Variants in PTPRD observed in about 807,000 individuals in gnomAD.
The protein encoded by PTPRD is protein tyrosine phosphatase receptor type D.
A neutral mutation model predicts 214.5 loss-of-function variants in PTPRD; 34 were observed. The observed-to-expected ratio is 0.16, with a 90% CI of 0.12 to 0.21. PTPRD has a LOEUF of 0.21. PTPRD is among the 10% of genes least tolerant of loss of function. PTPRD has a pLI of 1.00. For missense variants in PTPRD, 2,545 were observed against 2,398.7 expected (o/e 1.06, Z -1.27); for synonymous variants, 1,128 against 845.7 (o/e 1.33, Z -5.79).
intron 11 of PTPRD, among the ~76,000 whole-genome samples, chr9:8,823,645 C>G (rs2097118398): frequency 6.6e-6 from 1 of 150,618 alleles, no homozygotes. Context: ...GAGTGAGACC[C>G]TGTTTCAAAA....
At chr9:8,484,839 C>T (rs764588034) in intron 29 of PTPRD, among the ~76,000 whole-genome samples, 5 of 152,002 alleles carry the variant, frequency 3.3e-5, no homozygotes, top group African/African-American at 7.3e-5. Context: ...AATGGCAAGC[C>T]AGAGTTTAAA....
At chr9:8,560,909 T>C (rs2085986134) in intron 14 of PTPRD, among the ~76,000 whole-genome samples, 1 of 143,890 alleles carries the variant, frequency 6.9e-6, no homozygotes, top group Admixed American at 6.7e-5. Context: ...TAAATAAAGA[T>C]GCAGAAAGGC....
intron 11 of PTPRD, among the ~76,000 whole-genome samples, chr9:8,765,599 C>T (rs775613692): frequency 5.9e-5 from 9 of 152,120 alleles, no homozygotes; most frequent in South Asian, 2.1e-4. Context: ...CATCTCTGGC[C>T]GACATCTTGA....
chr9:8,751,186 G>C (rs1217919444), intron 11 of PTPRD, among the ~76,000 whole-genome samples: 1 of 152,004 alleles, frequency 6.6e-6, no homozygotes, highest in Non-Finnish European at 1.5e-5. Context: ...AAAATCAAAT[G>C]ACTTTTTTTC....
chr9:8,675,749 C>T (rs577366349), intron 12 of PTPRD, among the ~76,000 whole-genome samples: 112 of 152,214 alleles, frequency 7.4e-4, no homozygotes, highest in African/African-American at 2.5e-3. Flanking sequence ...CTTGTCTCCA[C>T]CCCTGCCGTC....
chr9:10,443,009 T>G (rs1291932374), intron 2 of PTPRD, among the ~76,000 whole-genome samples: 1 of 151,144 alleles, frequency 6.6e-6, no homozygotes, highest in African/African-American at 2.4e-5. Flanking sequence ...TTTTCTCCTT[T>G]GGCATAGAAT....
intron 9 of PTPRD, among the ~76,000 whole-genome samples, chr9:9,270,572 G>A (rs1184675372): frequency 6.6e-6 from 1 of 151,310 alleles, no homozygotes; most frequent in Non-Finnish European, 1.5e-5. Flanking sequence ...ATGCTGGTGA[G>A]TTAGGAAAGA....
intron 3 of PTPRD, among the ~76,000 whole-genome samples, chr9:10,164,252 A>C (rs1486490795): frequency 6.6e-6 from 1 of 151,600 alleles, no homozygotes; most frequent in Non-Finnish European, 1.5e-5. Context: ...TTTAGCACTC[A>C]AGTTAAATGG....
chr9:9,737,006 T>C (rs1476812820), intron 6 of PTPRD, among the ~76,000 whole-genome samples: 2 of 152,076 alleles, frequency 1.3e-5, no homozygotes, highest in African/African-American at 4.8e-5. Flanking sequence ...TATACACATC[T>C]GTATTTGCTT....
intron 21 of PTPRD, among the ~76,000 whole-genome samples, chr9:8,512,476 G>A (rs768706744): frequency 4.6e-5 from 7 of 151,920 alleles, no homozygotes. Flanking sequence ...TCTTTTTCTA[G>A]TTTGCTTGTA....
intron 11 of PTPRD, among the ~76,000 whole-genome samples, chr9:8,955,970 T>A (rs538469634): frequency 6.6e-6 from 1 of 152,014 alleles, no homozygotes; most frequent in Admixed American, 6.6e-5. Context: ...ATTTGCTGAG[T>A]CCAAATATAT....
At chr9:9,565,530 CTTTT>C (rs1042369454) in intron 8 of PTPRD, among the ~76,000 whole-genome samples, 5 of 151,694 alleles carry the variant, frequency 3.3e-5, no homozygotes, top group African/African-American at 1.2e-4. Flanking sequence ...TTTTTCCTTT[CTTTT>C]TGTTATTTAT....
intron 11 of PTPRD, among the ~76,000 whole-genome samples, chr9:8,777,304 G>C (rs546361052): frequency 9.2e-5 from 14 of 152,056 alleles, no homozygotes; most frequent in Non-Finnish European, 1.8e-4. Flanking sequence ...AATTTAAACA[G>C]AGGTATTACC....
intron 9 of PTPRD, among the ~76,000 whole-genome samples, chr9:9,324,534 GTTGT>G (rs989615166): frequency 6.6e-6 from 1 of 152,126 alleles, no homozygotes; most frequent in Admixed American, 6.6e-5. Flanking sequence ...TTTTGATGGG[GTTGT>G]TTGATTTTTT....
chr9:8,331,865 T>TTTA (rs1841575587), intron 43 of PTPRD, 129 bp from the exon 44 acceptor site: 1 of 1,100,928 alleles, frequency 9.1e-7, no homozygotes, highest in African/African-American at 1.6e-5. Flanking sequence ...TAGGAACATG[T>TTTA]TTAAATAGAA....
chr9:10,334,074 A>C (rs2096798903), intron 3 of PTPRD, among the ~76,000 whole-genome samples: 1 of 151,728 alleles, frequency 6.6e-6, no homozygotes, highest in Non-Finnish European at 1.5e-5. Context: ...AGTATATAAA[A>C]TATTATGATA....
At chr9:8,618,906 G>GTTTTTT (rs1270022921) in intron 14 of PTPRD, among the ~76,000 whole-genome samples, 6 of 96,840 alleles carry the variant, frequency 6.2e-5, no homozygotes, top group East Asian at 3.2e-4. Flanking sequence ...GTTTGTCTGT[G>GTTTTTT]TTTTTTTGTT....
At chr9:9,731,513 G>T (rs1473824104) in intron 7 of PTPRD, among the ~76,000 whole-genome samples, 2 of 151,938 alleles carry the variant, frequency 1.3e-5, no homozygotes, top group African/African-American at 2.4e-5. Context: ...ACAATGTGCA[G>T]GTTTGTTATG....
chr9:9,535,385 A>G (rs35569104), intron 8 of PTPRD, among the ~76,000 whole-genome samples: 46 of 152,222 alleles, frequency 3.0e-4, no homozygotes, highest in Non-Finnish European at 6.5e-4. Context: ...ATAACACATG[A>G]ACTTCATTGA....
Sources: gnomAD v4.1 joint callset for allele counts (sites outside exome capture counted in the v4.1 genomes callset) on GRCh38, gnomAD v4.1.1 for gene constraint, MANE v1.5 for transcripts, NCBI Gene and HGNC (gene_info 2026-07-23, HGNC 2026-07-21) for gene names.